The following ABCA4 variants were observed in gnomAD, a reference collection of about 807,000 sequenced individuals.
ABCA4 encodes retinal-specific phospholipid-transporting ATPase ABCA4.
Under a neutral mutation model 263.7 loss-of-function variants are expected in ABCA4, and 196 were observed. The observed-to-expected ratio is 0.74, with a 90% CI of 0.66 to 0.84. The LOEUF (loss-of-function observed/expected upper bound fraction) is 0.84, where lower values mean the gene tolerates loss of function less well. Ranked by LOEUF, ABCA4 falls within the 40% of genes least tolerant of loss-of-function variation. The pLI, the probability that ABCA4 is intolerant of heterozygous loss-of-function variation, is 0.00. For synonymous variants in ABCA4, 1,133 were observed against 1,094.2 expected (o/e 1.04, Z -0.70); for missense variants, 2,792 against 2,855.1 (o/e 0.98, Z 0.50).
chr1:94,057,380 T>C (rs897086257), intron 14 of ABCA4, among the ~76,000 whole-genome samples: 1 of 152,162 alleles, frequency 6.6e-6, no homozygotes, highest in African/African-American at 2.4e-5. Context: ...TGGAGAAATA[T>C]AGCTGGGACA....
chr1:94,120,277 A>T (rs1242649321), intron 1 of ABCA4, among the ~76,000 whole-genome samples: 1 of 152,178 alleles, frequency 6.6e-6, no homozygotes, highest in Non-Finnish European at 1.5e-5. Context: ...AAGCCAGTCC[A>T]GGGTGGAATC....
intron 4 of ABCA4, among the ~76,000 whole-genome samples, chr1:94,106,930 C>T (rs2101151923): frequency 6.6e-6 from 1 of 152,286 alleles, no homozygotes; most frequent in Admixed American, 6.5e-5. Flanking sequence ...CCCTGTGAGC[C>T]CTCTGAGGGC....
rs1291080436 is a variant in ABCA4, at chr1:94,046,937, G to C, written c.2900C>G (p.Ala967Gly). ...QITAFLGHNG[A>G]GKTTTLSILT... ...GACTCACAAGGTGGTGGTTTTCCCAGCTCCATTGTGGCCCAGGAATGCGGT... is the reference window on the plus strand; with the variant it reads ...GACTCACAAGGTGGTGGTTTTCCCACCTCCATTGTGGCCCAGGAATGCGGT... The change falls in exon 19 of 50, where the codon GCT becomes GGT. Residue 967 changes from alanine to glycine, a missense_variant. Transcript: ENST00000370225. 1 of 1,614,158 alleles carries C rather than the reference G, an allele frequency of 6.2e-7. No homozygotes were observed. The highest frequency in any genetic ancestry group is 1.1e-5 in the South Asian group (1 of 91,078).
chr1:94,103,199 G>C (rs1662333002), intron 4 of ABCA4, 57 bp from the exon 5 acceptor site: 1 of 1,600,278 alleles, frequency 6.2e-7, no homozygotes, highest in East Asian at 2.2e-5. Flanking sequence ...TCAAAAAAAG[G>C]AAAACAGCCA....
intron 6 of ABCA4, among the ~76,000 whole-genome samples, chr1:94,093,037 A>G (rs1462044036): frequency 5.3e-5 from 8 of 152,186 alleles, no homozygotes; most frequent in Admixed American, 5.2e-4. Context: ...ACATAGAGCC[A>G]GGGCCCAGTC....
intron 4 of ABCA4, among the ~76,000 whole-genome samples, chr1:94,103,626 T>C (rs1239742245): frequency 4.6e-5 from 7 of 152,110 alleles, no homozygotes; most frequent in Non-Finnish European, 8.8e-5. Flanking sequence ...CAAGTGTCAG[T>C]GATGCTGAGG....
chr1:94,021,464 A>C (rs1639344313), intron 34 of ABCA4, 55 bp from the exon 35 acceptor site: 2 of 1,610,396 alleles, frequency 1.2e-6, no homozygotes, highest in African/African-American at 1.3e-5. Flanking sequence ...TTAAAGCAGA[A>C]ATCAGTGAAG....
At chr1:94,054,322 G>A (rs890038984) in intron 16 of ABCA4, among the ~76,000 whole-genome samples, 1 of 152,172 alleles carries the variant, frequency 6.6e-6, no homozygotes, top group Non-Finnish European at 1.5e-5. Flanking sequence ...GTAAATACAT[G>A]CATAAGATAC....
At chr1:94,093,943 A>T (rs1374125763) in intron 6 of ABCA4, among the ~76,000 whole-genome samples, 1 of 152,152 alleles carries the variant, frequency 6.6e-6, no homozygotes, top group East Asian at 1.9e-4. Flanking sequence ...AAAAACAACA[A>T]CAAAAACCTT....
In ABCA4 at chr1:94,078,181, T is replaced by C. The variant is rs56673658; in HGVS notation, c.1357-294A>G. Among the ~76,000 whole-genome samples, 1,230 of 152,324 alleles carry C rather than the reference T, an allele frequency of 8.1e-3. 19 individuals are homozygous for C. The highest frequency in any genetic ancestry group is 0.028 in the African/African-American group (1,178 of 41,568). On this transcript the variant is annotated intron_variant, in intron 10 of 49. Transcript: ENST00000370225. ...TGCTTATGGATATTTTTGTTTTCTT[T>C]TGAGTGTCCCTGATATATAGAACTC...
intron 49 of ABCA4, among the ~76,000 whole-genome samples, chr1:93,995,174 C>T (rs1271932685): frequency 1.3e-5 from 2 of 152,154 alleles, no homozygotes; most frequent in African/African-American, 2.4e-5. Flanking sequence ...GCCAAGTAGC[C>T]ATTAGGTCTC....
At chr1:94,096,316 G>A (rs138211833) in intron 6 of ABCA4, among the ~76,000 whole-genome samples, 26 of 152,240 alleles carry the variant, frequency 1.7e-4, no homozygotes, top group African/African-American at 5.5e-4. Context: ...GCTACCGCTC[G>A]GGGGGACAAA....
rs1659842921 is a variant in ABCA4 at position 94,019,694 on chromosome 1, G to A, written c.5084C>T (p.Ala1695Val). 6.2e-7 allele frequency: 1 copy of A among 1,613,820 alleles called. No homozygotes were observed. The highest frequency in any genetic ancestry group is 8.5e-7 in the Non-Finnish European group (1 of 1,179,876). ...CTGGATCAAATAAAGGACAAAGCTG[G>A]CTGGGACGAAGGACATGGAGAAAAT... ...CVIFSMSFVP[A>V]SFVLYLIQER... The change falls in exon 36 of 50, where the codon GCC (alanine) becomes GTC (valine). Residue 1695 changes from alanine (A) to valine (V), a missense_variant. Ala to Val is a moderately conservative substitution (Grantham distance 64, BLOSUM62 0). Transcript: ENST00000370225.
intron 23 of ABCA4, among the ~76,000 whole-genome samples, chr1:94,040,661 TA>T (rs1215615890): frequency 6.6e-6 from 1 of 151,852 alleles, no homozygotes; most frequent in South Asian, 2.1e-4. Context: ...AAAAAAATAC[TA>T]AAAAAAAGGA....
At chr1:94,030,943 G>T in intron 28 of ABCA4, 53 bp downstream of exon 28, 1 of 1,612,480 alleles carries the variant, frequency 6.2e-7, no homozygotes, top group South Asian at 1.1e-5. Context: ...AGCAGCATGT[G>T]ACCCAGGTGC....
At chr1:94,019,019 G>GTTTTTTTTTTTTTTTTTTTT (rs757258025) in intron 36 of ABCA4, among the ~76,000 whole-genome samples, 1 of 76,430 alleles carries the variant, frequency 1.3e-5, no homozygotes, top group African/African-American at 6.2e-5. Flanking sequence ...AAACAACCAG[G>GTTTTTTTTTTTTTTTTTTTT]TTTTTTTTTT....
At chr1:93,993,466 CAA>C (rs1056835452) in intron 49 of ABCA4, among the ~76,000 whole-genome samples, 1 of 151,924 alleles carries the variant, frequency 6.6e-6, no homozygotes, top group African/African-American at 2.4e-5. Flanking sequence ...GCATTTGTTA[CAA>C]AGACACACAT....
rs1350475627 is a variant in ABCA4, at chr1:94,036,802, A to G, written c.3814-14T>C. On this transcript the variant is annotated splice_polypyrimidine_tract_variant and intron_variant, in intron 25 of 49. Coordinates refer to ENST00000370225, the MANE Select transcript of ABCA4 (RefSeq NM_000350.3). Reference sequence around the variant, plus strand: ...CTTCAGAAAAATCTGTCAAGAAGAAAAAAAGAGAGAATTTTGTTTAGTCAT... The same window carrying G: ...CTTCAGAAAAATCTGTCAAGAAGAAGAAAAGAGAGAATTTTGTTTAGTCAT... The G allele has an allele frequency of 6.2e-7, 1 of 1,613,534 alleles. No homozygotes were observed. Among genetic ancestry groups the G allele is most frequent in the East Asian group, 2.2e-5 (1 of 44,886 alleles).
At chr1:94,033,423 CAA>C (rs11459922) in intron 26 of ABCA4, among the ~76,000 whole-genome samples, 7 of 109,048 alleles carry the variant, frequency 6.4e-5, no homozygotes, top group Admixed American at 9.9e-5. Context: ...AACTCTATCT[CAA>C]AAAAAAAAAA....
Sources: allele counts gnomAD v4.1 joint callset (sites outside exome capture counted in the v4.1 genomes callset), GRCh38; gene constraint gnomAD v4.1.1; transcripts MANE v1.5; gene names NCBI Gene and HGNC (gene_info 2026-07-23, HGNC 2026-07-21).